The following RGS12 variants were observed in gnomAD, a reference collection of about 807,000 sequenced individuals.
The protein encoded by RGS12 is regulator of G protein signaling 12.
In RGS12, 66 loss-of-function variants were observed where a neutral mutation model predicts 120.1. The observed-to-expected ratio is 0.55, with a 90% CI of 0.45 to 0.67. The LOEUF (loss-of-function observed/expected upper bound fraction) is 0.67. RGS12 is among the 30% of genes least tolerant of loss of function. RGS12 has a pLI of 0.00. For synonymous variants in RGS12, 827 were observed against 804.7 expected, an observed-to-expected ratio of 1.03 and a Z score of -0.47; for missense variants, 1,859 against 1,957.7, an observed-to-expected ratio of 0.95 and a Z score of 0.95.
At chr4:3,318,587 G>A (rs899984306) in intron 2 of RGS12, among the ~76,000 whole-genome samples, 7 of 152,220 alleles carry the variant, frequency 4.6e-5, no homozygotes, top group African/African-American at 7.2e-5. Context: ...GCCCCACGCC[G>A]CCTGCTCACT....
At chr4:3,422,614 C>A in intron 11 of RGS12, 44 bp downstream of exon 11, 1 of 1,567,726 alleles carries the variant, frequency 6.4e-7, no homozygotes, top group South Asian at 1.1e-5. Context: ...AGGCCATGAC[C>A]TCCCCGCTCC....
chr4:3,333,077 G>T (rs1374788084), intron 2 of RGS12, among the ~76,000 whole-genome samples: 3 of 136,104 alleles, frequency 2.2e-5, no homozygotes, highest in Non-Finnish European at 4.7e-5. Context: ...TTGAGACGGA[G>T]TCTCACCGTC....
At position 3,367,090 on chromosome 4, in the gene RGS12, T is replaced by G. The variant is rs550381094; in HGVS notation, c.1999-19326T>G. 7.0e-4 allele frequency among the ~76,000 whole-genome samples: 107 copies of G among 152,274 alleles called. 1 individual carries two copies. Among genetic ancestry groups the G allele is most frequent in the African/African-American group, 2.5e-3 (103 of 41,558 alleles). The stretch of plus-strand genomic sequence containing the variant: ...CCCCTGCTCACCCTGGGTTTCCAGC[T>G]CAGGACAGACCCCTGGGGAGGTGAG... On this transcript the variant is annotated intron_variant, in intron 3 of 17. Coordinates refer to ENST00000336727, the MANE Select transcript of RGS12 (RefSeq NM_001394154.1).
At chr4:3,313,591 G>A (rs1724549655) in intron 1 of RGS12, among the ~76,000 whole-genome samples, 2 of 152,184 alleles carry the variant, frequency 1.3e-5, no homozygotes, top group South Asian at 2.1e-4. Flanking sequence ...CGGGGGCCTC[G>A]TGTCTGCAGT....
In RGS12 at chr4:3,389,997, A is replaced by G. The variant is rs375514368; in HGVS notation, c.2020+3560A>G. Among the ~76,000 whole-genome samples the G allele has an allele frequency of 6.6e-6, 1 of 151,672 alleles. No individual in the cohort carries two copies. Among genetic ancestry groups the G allele is most frequent in the Non-Finnish European group, 1.5e-5 (1 of 67,892 alleles). On this transcript the variant is annotated intron_variant, in intron 4 of 17. Transcript: ENST00000336727. The surrounding 1 kb of genome is among the most constrained non-coding windows in gnomAD (Gnocchi z 5.2). ...GCCCCCCTACTCGTCCTCCATGCAG[A>G]CCTCAGTCTTGGCCCTGTCTCTGCA...
chr4:3,380,325 C>T lies in RGS12; in HGVS notation c.1999-6091C>T, dbSNP rs558997884. Among the ~76,000 whole-genome samples the T allele has an allele frequency of 1.1e-3, 169 of 152,364 alleles. 1 individual carries two copies. The highest frequency in any genetic ancestry group is 3.7e-3 in the African/African-American group (155 of 41,584). ...ACACTTCCCCTCCAAGCTGCTTTCA[C>T]GGGTTGGCATTGAGCGTCTGCAGCT... On this transcript the variant is annotated intron_variant, in intron 3 of 17. Transcript: ENST00000336727.
Position 3,317,162 on chromosome 4 carries a change from G to A in RGS12, c.992G>A (p.Gly331Asp). The change falls in exon 2 of 18, where the codon GGC (glycine) becomes GAC (aspartate). Residue 331 changes from glycine (G) to aspartate (D), a missense_variant. Gly to Asp is a moderately conservative substitution (Grantham distance 94, BLOSUM62 -1). Transcript: ENST00000336727. ...DDGSLAQEEE[G>D]ALRTSCHVFM... ...GGGAGCCTGGCCCAGGAGGAGGAGG[G>A]CGCCCTGCGGACTTCCTGCCACGTG... 2 of 1,614,108 alleles carry A rather than the reference G, an allele frequency of 1.2e-6. No homozygotes were observed. Among genetic ancestry groups the A allele is most frequent in the Non-Finnish European group, 8.5e-7 (1 of 1,180,038 alleles).
chr4:3,372,111 G>C lies in RGS12; in HGVS notation c.1999-14305G>C, dbSNP rs1309349380. 6.6e-6 allele frequency among the ~76,000 whole-genome samples: 1 copy of C among 152,176 alleles called. No homozygotes were observed. Among genetic ancestry groups the C allele is most frequent in the Non-Finnish European group, 1.5e-5 (1 of 68,022 alleles). The stretch of plus-strand genomic sequence containing the variant: ...AACCATGTGGCGTCAGGTGTTGCAG[G>C]CTCTGACACTAGTTAGATGCTGAGA... On this transcript the variant is annotated intron_variant, in intron 3 of 17. Transcript: ENST00000336727. This position sits in a 1 kb window ranked among gnomAD's most constrained non-coding sequence, Gnocchi z 4.3.
rs1577035248 is a variant in RGS12, at chr4:3,390,851, G to A, written c.2020+4414G>A. On this transcript the variant is annotated intron_variant, in intron 4 of 17. Transcript: ENST00000336727. The surrounding 1 kb of genome is among the most constrained non-coding windows in gnomAD (Gnocchi z 4.6). ...CCGTAATTGCCGGATTAACTTGGGG[G>A]ACTTTAAACTGCATTCCTCTTTAAA... 6.6e-6 allele frequency among the ~76,000 whole-genome samples: 1 copy of A among 152,206 alleles called. No individual in the cohort carries two copies. The highest frequency in any genetic ancestry group is 1.5e-5 in the Non-Finnish European group (1 of 68,036).
intron 13 of RGS12, among the ~76,000 whole-genome samples, chr4:3,424,225 G>A (rs910253390): frequency 2.6e-5 from 4 of 152,268 alleles, no homozygotes; most frequent in Admixed American, 1.3e-4. Context: ...GCTCTGGAGC[G>A]TGGGGGTTCC....
chr4:3,305,889 T>C (rs1560642319), intron 1 of RGS12, among the ~76,000 whole-genome samples: 1 of 152,266 alleles, frequency 6.6e-6, no homozygotes, highest in Non-Finnish European at 1.5e-5. Context: ...TTTCTCAGCC[T>C]GCTTCCTGCT....
intron 2 of RGS12, chr4:3,324,153 G>C (rs1578730690): frequency 6.5e-6 from 1 of 152,822 alleles, no homozygotes; most frequent in African/African-American, 2.4e-5. Flanking sequence ...AAGTTAACCT[G>C]TGTGAAGGCG....
intron 4 of RGS12, among the ~76,000 whole-genome samples, chr4:3,406,062 C>T (rs61527677): frequency 0.05 from 7,683 of 152,172 alleles, 623 homozygotes; most frequent in African/African-American, 0.18. Flanking sequence ...ATCTGGGCTT[C>T]GGCCACTTGC....
Position 3,439,724 on chromosome 4 carries a change from G to C in RGS12, c.*40G>C, listed in dbSNP as rs1725164863. The C allele has an allele frequency of 2.1e-6, 3 of 1,451,306 alleles. No individual in the cohort carries two copies. The highest frequency in any genetic ancestry group is 1.9e-4 in the Middle Eastern group (1 of 5,360). The allele number at this position is 1,451,306 out of a possible 1,614,324, so 89.9% of individuals were successfully genotyped here. On this transcript the variant is annotated 3_prime_UTR_variant, in exon 18 of 18. Coordinates refer to ENST00000336727, the MANE Select transcript of RGS12 (RefSeq NM_001394154.1). The stretch of plus-strand genomic sequence containing the variant: ...GCCAACTCTCCTGTGGACATGTCGG[G>C]GTGGGGCAGCCCAGGTGGATTCTGT...
rs553369538 is a variant in RGS12 at position 3,354,973 on chromosome 4, G to A, written c.1998+11920G>A. On this transcript the variant is annotated intron_variant, in intron 3 of 17. Transcript: ENST00000336727. ...TTTATGAGGCTACCATATAACCTTG[G>A]TATCAAAAATCTGACAAAGGACATA... Among the ~76,000 whole-genome samples, 166 of 152,240 alleles carry A rather than the reference G, an allele frequency of 1.1e-3. 1 individual carries two copies. In the Middle Eastern group the frequency reaches 0.037, roughly 34 times the overall value.
chr4:3,389,578 C>T lies in RGS12; in HGVS notation c.2020+3141C>T, dbSNP rs760055138. ...AGAAGCCCGTTCTTGTGGCTTCCTC[C>T]GTTGGTCAAGCTCTGTGCCAAGAGG... On this transcript the variant is annotated intron_variant, in intron 4 of 17. Transcript: ENST00000336727. This position sits in a 1 kb window ranked among gnomAD's most constrained non-coding sequence, Gnocchi z 5.2. 7.9e-5 allele frequency among the ~76,000 whole-genome samples: 12 copies of T among 152,328 alleles called. No homozygotes were observed. The highest frequency in any genetic ancestry group is 1.0e-4 in the Non-Finnish European group (7 of 68,022).
chr4:3,397,532 G>T (rs187617813), intron 4 of RGS12, among the ~76,000 whole-genome samples: 1 of 152,330 alleles, frequency 6.6e-6, no homozygotes. Context: ...CGACGTGAGA[G>T]GGGTCCCAAG....
chr4:3,352,937 G>A (rs1171612021), intron 3 of RGS12, among the ~76,000 whole-genome samples: 1 of 152,188 alleles, frequency 6.6e-6, no homozygotes, highest in Admixed American at 6.5e-5. Context: ...TGACAGACAA[G>A]AGTTGTGAGT....
At chr4:3,356,689 C>G (rs1714929763) in intron 3 of RGS12, among the ~76,000 whole-genome samples, 1 of 152,086 alleles carries the variant, frequency 6.6e-6, no homozygotes, top group South Asian at 2.1e-4. Flanking sequence ...GCATAATGTT[C>G]TGGGGTCATC....
Sources: gnomAD v4.1 joint callset for allele counts (sites outside exome capture counted in the v4.1 genomes callset) on GRCh38, gnomAD v4.1.1 for gene constraint, Gnocchi (gnomAD v3.1) non-coding constraint, MANE v1.5 for transcripts, NCBI Gene and HGNC (gene_info 2026-07-23, HGNC 2026-07-21) for gene names.